Variants in DAB1 observed in about 807,000 individuals in gnomAD.
The protein encoded by DAB1 is DAB adaptor protein 1, also known as disabled homolog 1.
In DAB1, 15 loss-of-function variants were observed where a neutral mutation model predicts 64.6. The ratio of observed to expected loss-of-function variants is 0.23; its 90% CI spans 0.16 to 0.36. The LOEUF (loss-of-function observed/expected upper bound fraction) is 0.36, where lower values mean the gene tolerates loss of function less well. DAB1 is among the 10% of genes least tolerant of loss of function. The pLI is 1.00. For missense variants in DAB1, 596 were observed against 706.7 expected (o/e 0.84, Z 1.78); for synonymous variants, 235 against 251.9 (o/e 0.93, Z 0.64).
At chr1:58,453,211 G>A (rs116780531) in intron 3 of DAB1, among the ~76,000 whole-genome samples, 113 of 152,156 alleles carry the variant, frequency 7.4e-4, no homozygotes, top group African/African-American at 2.4e-3. Flanking sequence ...AGTGATCACC[G>A]GGGGGTAGAG....
chr1:58,324,895 G>T (rs1449673385), intron 4 of DAB1, among the ~76,000 whole-genome samples: 1 of 152,140 alleles, frequency 6.6e-6, no homozygotes, highest in African/African-American at 2.4e-5. Flanking sequence ...AGAAGATAAG[G>T]CAGGCATAGC....
chr1:58,106,660 C>T (rs941049361), intron 5 of DAB1, among the ~76,000 whole-genome samples: 30 of 152,332 alleles, frequency 2.0e-4, no homozygotes, highest in African/African-American at 7.0e-4. Context: ...CGTGCTCCTT[C>T]TCATACGTTG....
intron 4 of DAB1, among the ~76,000 whole-genome samples, chr1:58,245,911 G>A (rs1294363568): frequency 2.0e-5 from 3 of 152,104 alleles, no homozygotes; most frequent in African/African-American, 7.2e-5. Flanking sequence ...ATCGTATAAG[G>A]TATGAAGATG....
intron 7 of DAB1, among the ~76,000 whole-genome samples, chr1:57,622,985 G>A (rs1645878943): frequency 6.6e-6 from 1 of 152,106 alleles, no homozygotes; most frequent in Admixed American, 6.5e-5. Context: ...GAATAATTGA[G>A]GTTTTTCAAT....
chr1:57,113,380 G>A (rs1175234036), intron 4 of DAB1, among the ~76,000 whole-genome samples: 1 of 152,150 alleles, frequency 6.6e-6, no homozygotes, highest in African/African-American at 2.4e-5. Context: ...CTCAGATGGG[G>A]AAATTGAGGT....
At chr1:57,604,481 T>C (rs910626395) in intron 7 of DAB1, among the ~76,000 whole-genome samples, 3 of 152,102 alleles carry the variant, frequency 2.0e-5, no homozygotes, top group Non-Finnish European at 4.4e-5. Flanking sequence ...CACAGTTTCC[T>C]GGTTAGTTCC....
chr1:58,015,889 AAGG>A (rs1368197936), intron 5 of DAB1, among the ~76,000 whole-genome samples: 2 of 152,178 alleles, frequency 1.3e-5, no homozygotes, highest in Non-Finnish European at 2.9e-5. Flanking sequence ...GAGGTTCTGC[AAGG>A]AGGACACAAG....
intron 1 of DAB1, among the ~76,000 whole-genome samples, chr1:57,369,836 G>T (rs1205415273): frequency 6.6e-6 from 1 of 152,214 alleles, no homozygotes; most frequent in Non-Finnish European, 1.5e-5. Flanking sequence ...TGAAAGTTAA[G>T]TGTTATAACG....
At chr1:57,542,297 A>G (rs1193648421) in intron 7 of DAB1, among the ~76,000 whole-genome samples, 5 of 151,782 alleles carry the variant, frequency 3.3e-5, no homozygotes, top group African/African-American at 9.7e-5. Flanking sequence ...TTTGGACTGC[A>G]TGGTGTGGAT....
intron 2 of DAB1, among the ~76,000 whole-genome samples, chr1:57,168,853 T>TATCTTTACTCATATTTACA (rs1661455444): frequency 6.6e-6 from 1 of 152,124 alleles, no homozygotes; most frequent in Non-Finnish European, 1.5e-5. Flanking sequence ...GGCAGGAGTT[T>TATCTTTACTCATATTTACA]GAGACCAGCC....
At chr1:57,656,395 A>G (rs1021993126) in intron 6 of DAB1, among the ~76,000 whole-genome samples, 2 of 152,346 alleles carry the variant, frequency 1.3e-5, no homozygotes, top group Admixed American at 6.5e-5. Context: ...GGCAACACAT[A>G]TACTAAAAGA....
At chr1:57,363,523 A>C (rs1033637575) in intron 1 of DAB1, among the ~76,000 whole-genome samples, 1 of 152,226 alleles carries the variant, frequency 6.6e-6, no homozygotes, top group African/African-American at 2.4e-5. Context: ...TCATTGTAAA[A>C]TGGTGATAAT....
At position 58,503,244 on chromosome 1, in the gene DAB1, A is replaced by C. The variant is rs7552696; in HGVS notation, n.257+2816T>G. Among the ~76,000 whole-genome samples the C allele has an allele frequency of 4.3e-3, 649 of 152,304 alleles. 6 individuals carry two copies. The highest frequency in any genetic ancestry group is 0.015 in the African/African-American group (620 of 41,558). On this transcript the variant is annotated intron_variant and non_coding_transcript_variant, in intron 3 of 20. Transcript: ENST00000485760. ...ATATTGTTATCATTGCTTTAGAGAC[A>C]GGCCCAGGCCTCCCAGGGTGCGATA...
intron 2 of DAB1, among the ~76,000 whole-genome samples, chr1:57,175,984 TTTG>T: frequency 6.6e-6 from 1 of 152,258 alleles, no homozygotes; most frequent in East Asian, 1.9e-4. Context: ...AAATGCAGAC[TTTG>T]TTATATTATA....
At chr1:58,456,845 T>C (rs1261202044) in intron 3 of DAB1, among the ~76,000 whole-genome samples, 1 of 152,200 alleles carries the variant, frequency 6.6e-6, no homozygotes, top group East Asian at 1.9e-4. Flanking sequence ...GGTGAAGCTA[T>C]GGGCATTGGT....
At chr1:58,156,052 A>G (rs1293019241) in intron 4 of DAB1, among the ~76,000 whole-genome samples, 2 of 152,150 alleles carry the variant, frequency 1.3e-5, no homozygotes, top group African/African-American at 4.8e-5. Context: ...TTTTTGTTTC[A>G]TAATTATTTT....
chr1:58,444,443 T>C (rs1334860996), intron 3 of DAB1, among the ~76,000 whole-genome samples: 1 of 152,220 alleles, frequency 6.6e-6, no homozygotes, highest in Non-Finnish European at 1.5e-5. Flanking sequence ...GAGCTGGACT[T>C]GAACTAGGTG....
intron 7 of DAB1, among the ~76,000 whole-genome samples, chr1:57,580,632 G>C (rs1645301361): frequency 6.6e-6 from 1 of 152,006 alleles, no homozygotes; most frequent in South Asian, 2.1e-4. Flanking sequence ...AGCAGGGAAG[G>C]GTAAAGGCTT....
chr1:58,405,850 G>C (rs921758998), intron 3 of DAB1, among the ~76,000 whole-genome samples: 2 of 152,122 alleles, frequency 1.3e-5, no homozygotes, highest in Non-Finnish European at 2.9e-5. Flanking sequence ...GTGACTGTGG[G>C]CCTCTCTGCG....
Sources: gnomAD v4.1 joint callset for allele counts (sites outside exome capture counted in the v4.1 genomes callset) on GRCh38, gnomAD v4.1.1 for gene constraint, MANE v1.5 for transcripts, NCBI Gene and HGNC (gene_info 2026-07-23, HGNC 2026-07-21) for gene names.